The following TMEM132E variants were observed in gnomAD, a reference collection of about 807,000 sequenced individuals.
TMEM132E encodes the protein transmembrane protein 132E.
A neutral mutation model predicts 78.5 loss-of-function variants in TMEM132E; 49 were observed. The observed-to-expected ratio is 0.62, with a 90% CI of 0.50 to 0.79. TMEM132E has a LOEUF of 0.79. TMEM132E is among the 30% of genes least tolerant of loss of function. The pLI, the probability that TMEM132E is intolerant of heterozygous loss-of-function variation, is 0.00. For missense variants in TMEM132E, 1,403 were observed against 1,470.9 expected, an observed-to-expected ratio of 0.95 and a Z score of 0.75; for synonymous variants, 715 against 670.6, an observed-to-expected ratio of 1.07 and a Z score of -1.02.
chr17:34,605,859 T>C (rs1421511609), intron 1 of TMEM132E, among the ~76,000 whole-genome samples: 1 of 152,206 alleles, frequency 6.6e-6, no homozygotes, highest in Non-Finnish European at 1.5e-5. Context: ...AGACGTATTC[T>C]TCTCGTGGCG....
Position 34,634,872 on chromosome 17 carries a change from C to T in TMEM132E, c.1762C>T (p.Leu588=). The T allele has an allele frequency of 6.2e-7, 1 of 1,614,168 alleles. No individual in the cohort carries two copies. The highest frequency in any genetic ancestry group is 1.7e-5 in the Admixed American group (1 of 60,026). The change falls in exon 7 of 9, where the codon CTG becomes TTG. Residue 588 remains leucine, a synonymous_variant. Transcript: ENST00000631683. ...RRQSASRGCT[L]QYQHATLQVF... is the part of the protein sequence containing the mutation. Reference sequence around the variant, plus strand: ...GCAGAGTGCAAGCCGTGGCTGCACCCTGCAGTACCAGCATGCCACCCTGCA... The same window carrying T: ...GCAGAGTGCAAGCCGTGGCTGCACCTTGCAGTACCAGCATGCCACCCTGCA...
chr17:34,618,686 G>A (rs1906860486), intron 1 of TMEM132E, among the ~76,000 whole-genome samples: 1 of 152,192 alleles, frequency 6.6e-6, no homozygotes, highest in South Asian at 2.1e-4. Flanking sequence ...TAGGAGGGCA[G>A]AGGAGTGCAC....
intron 1 of TMEM132E, among the ~76,000 whole-genome samples, chr17:34,593,170 G>A (rs1472740646): frequency 6.6e-6 from 1 of 151,986 alleles, no homozygotes; most frequent in African/African-American, 2.4e-5. Context: ...ACTTTGGGAA[G>A]CTGAGGCCAG....
intron 7 of TMEM132E, 25 bp downstream of exon 7, chr17:34,635,112 C>G: frequency 6.3e-7 from 1 of 1,582,304 alleles, no homozygotes; most frequent in Non-Finnish European, 8.6e-7. Flanking sequence ...TGTCCCAGCA[C>G]AAAGGGGCAG....
intron 1 of TMEM132E, among the ~76,000 whole-genome samples, chr17:34,613,168 T>A (rs1447498936): frequency 1.7e-5 from 2 of 114,796 alleles, no homozygotes; most frequent in African/African-American, 3.0e-5. Context: ...TCTCTCTCTC[T>A]CTCTCTACAC....
At chr17:34,583,614 G>A (rs993646290) in intron 1 of TMEM132E, among the ~76,000 whole-genome samples, 1 of 152,158 alleles carries the variant, frequency 6.6e-6, no homozygotes, top group Admixed American at 6.5e-5. Flanking sequence ...GGAGATAGAG[G>A]GACAGTTGCA....
At chr17:34,614,920 T>TGTGAGTGCCAC (rs1906727159) in intron 1 of TMEM132E, 2 of 151,988 alleles carry the variant, frequency 1.3e-5, no homozygotes, top group Admixed American at 1.3e-4. Flanking sequence ...GGGAGCAGAG[T>TGTGAGTGCCAC]CTAGAGGGGA....
chr17:34,638,461 T>G lies in TMEM132E; in HGVS notation c.*229T>G. ...TGCAGGTGGAGGGCTCTTCCTCCAG[T>G]GGCTCGTAAGGAGGAAAGCAACCCC... On this transcript the variant is annotated 3_prime_UTR_variant, in exon 9 of 9. Transcript: ENST00000631683. 2.1e-6 allele frequency: 1 copy of G among 482,498 alleles called. No homozygotes were observed. Among genetic ancestry groups the G allele is most frequent in the Non-Finnish European group, 3.6e-6 (1 of 279,356 alleles). The allele number at this position is 482,498 out of a possible 1,614,324, so 29.9% of individuals were successfully genotyped here.
Position 34,636,168 on chromosome 17 carries a change from T to C in TMEM132E, c.2139T>C (p.Ala713=). The C allele has an allele frequency of 6.5e-7, 1 of 1,542,454 alleles. No individual in the cohort carries two copies. Among genetic ancestry groups the C allele is most frequent in the Non-Finnish European group, 8.7e-7 (1 of 1,146,578 alleles). The change falls in exon 8 of 9, where the codon GCT becomes GCC. Residue 713 remains alanine (A), a synonymous_variant. Coordinates refer to ENST00000631683, the MANE Select transcript of TMEM132E (RefSeq NM_001304438.2). Reference sequence around the variant, plus strand: ...GCCACACCATCCTAGCCACCACAGCTGCCCAACAGACCTTGAGCTTCCTCA... The same window carrying C: ...GCCACACCATCCTAGCCACCACAGCCGCCCAACAGACCTTGAGCTTCCTCA... The part of the protein sequence containing the change: ...GSSHTILATT[A]AQQTLSFLKQ...
At chr17:34,636,727 C>T (rs1437140294) in intron 8 of TMEM132E, among the ~76,000 whole-genome samples, 1 of 152,188 alleles carries the variant, frequency 6.6e-6, no homozygotes, top group African/African-American at 2.4e-5. Context: ...GGAGGGAGGG[C>T]AATCCTCAGA....
chr17:34,610,585 C>T (rs1218586079), intron 1 of TMEM132E, among the ~76,000 whole-genome samples: 1 of 152,214 alleles, frequency 6.6e-6, no homozygotes, highest in African/African-American at 2.4e-5. Context: ...ACATGTGACA[C>T]TGATACTGGT....
At chr17:34,627,466 T>TCGTGTGTGCGCGCGCGCGCGCG (rs1301258773) in intron 2 of TMEM132E, among the ~76,000 whole-genome samples, 1 of 24,986 alleles carries the variant, frequency 4.0e-5, no homozygotes, top group African/African-American at 1.3e-4. Context: ...GCCAAAAGAA[T>TCGTGTGTGCGCGCGCGCGCGCG]CGTGTGTGTG....
intron 6 of TMEM132E, 118 bp from the exon 7 acceptor site, chr17:34,634,681 T>C (rs927268408): frequency 7.9e-7 from 1 of 1,273,426 alleles, no homozygotes; most frequent in Non-Finnish European, 1.1e-6. Context: ...AGAGGAAGCT[T>C]GCTTTTGCAG....
At chr17:34,604,285 G>A (rs958367528) in intron 1 of TMEM132E, among the ~76,000 whole-genome samples, 6 of 152,062 alleles carry the variant, frequency 3.9e-5, no homozygotes, top group Non-Finnish European at 8.8e-5. Context: ...GCCTGTTGGG[G>A]ACTCCACATC....
At chr17:34,598,490 G>T (rs1906128491) in intron 1 of TMEM132E, among the ~76,000 whole-genome samples, 1 of 152,036 alleles carries the variant, frequency 6.6e-6, no homozygotes, top group Admixed American at 6.5e-5. Flanking sequence ...ACTGGAATAA[G>T]TCCAGCCCCT....
At chr17:34,608,452 A>G (rs1273450003) in intron 1 of TMEM132E, among the ~76,000 whole-genome samples, 1 of 152,256 alleles carries the variant, frequency 6.6e-6, no homozygotes, top group Non-Finnish European at 1.5e-5. Flanking sequence ...AATGGAAGGT[A>G]GAATACATAA....
chr17:34,638,278 G>A lies in TMEM132E; in HGVS notation c.*46G>A, dbSNP rs1233594674. ...GGGACCCCCCCCCCCAACGGGGTCA[G>A]CTCGGGGTAGGACACAGCCGGGACC... On this transcript the variant is annotated 3_prime_UTR_variant, in exon 9 of 9. Coordinates refer to ENST00000631683, the MANE Select transcript of TMEM132E (RefSeq NM_001304438.2). 1.4e-6 allele frequency: 2 copies of A among 1,481,176 alleles called. No homozygotes were observed. Among genetic ancestry groups the A allele is most frequent in the East Asian group, 2.4e-5 (1 of 40,988 alleles). 91.8% of individuals were successfully genotyped at this position (1,481,176 alleles called of 1,614,324 possible). A position where few individuals can be genotyped will look rare whatever the true frequency, so the allele number is the denominator to read the frequency against.
In TMEM132E at chr17:34,638,452, T is replaced by G; in HGVS notation, c.*220T>G. The G allele has an allele frequency of 2.0e-6, 1 of 493,488 alleles. No homozygotes were observed. Among genetic ancestry groups the G allele is most frequent in the Non-Finnish European group, 3.5e-6 (1 of 286,694 alleles). 30.6% of individuals were successfully genotyped at this position (493,488 alleles called of 1,614,324 possible). A position where few individuals can be genotyped will look rare whatever the true frequency, so the allele number is the denominator to read the frequency against. On this transcript the variant is annotated 3_prime_UTR_variant, in exon 9 of 9. Transcript: ENST00000631683. ...TCTGCCCCCTGCAGGTGGAGGGCTC[T>G]TCCTCCAGTGGCTCGTAAGGAGGAA... is the stretch of plus-strand genomic sequence containing the variant.
Position 34,634,875 on chromosome 17 carries a change from C to T in TMEM132E, c.1765C>T (p.Gln589Ter), listed in dbSNP as rs1272339069. The change falls in exon 7 of 9, where the codon CAG (glutamine) becomes TAG (stop). Residue 589 changes from glutamine (Q) to a stop codon, truncating the protein, a stop_gained. Transcript: ENST00000631683. LOFTEE classifies it high-confidence loss of function. ...RQSASRGCTL[Q>*]YQHATLQVFT... ...GAGTGCAAGCCGTGGCTGCACCCTG[C>T]AGTACCAGCATGCCACCCTGCAGGT... 4 of 1,614,148 alleles carry T rather than the reference C, an allele frequency of 2.5e-6. No homozygotes were observed. The highest frequency in any genetic ancestry group is 3.4e-6 in the Non-Finnish European group (4 of 1,180,050).
Sources: gnomAD v4.1 joint callset for allele counts (sites outside exome capture counted in the v4.1 genomes callset) on GRCh38, gnomAD v4.1.1 for gene constraint, MANE v1.5 for transcripts, NCBI Gene and HGNC (gene_info 2026-07-23, HGNC 2026-07-21) for gene names.